Variants in NETO2 observed in about 807,000 individuals in gnomAD.
The protein encoded by NETO2 is neuropilin and tolloid-like protein 2.
In NETO2, 28 loss-of-function variants were observed where a neutral mutation model predicts 62.5. That is an observed-to-expected ratio of 0.45 (90% CI 0.33 to 0.61). NETO2 has a LOEUF of 0.61. Among genes scored for constraint, NETO2 ranks in the 20% least tolerant of loss-of-function variants. The pLI is 0.02. For synonymous variants in NETO2, 214 were observed against 219.1 expected, an observed-to-expected ratio of 0.98 and a Z score of 0.21; for missense variants, 548 against 643.2, an observed-to-expected ratio of 0.85 and a Z score of 1.60.
rs137887060 is a variant in NETO2, at chr16:47,130,670, A to C, written c.91+1299T>G. Among the ~76,000 whole-genome samples, 693 of 152,306 alleles carry C rather than the reference A, an allele frequency of 4.6e-3. 5 individuals are homozygous for C. Among genetic ancestry groups the C allele is most frequent in the Admixed American group, 8.9e-3 (136 of 15,298 alleles). On this transcript the variant is annotated intron_variant, in intron 2 of 8. Transcript: ENST00000562435. ...AAGCTTCCAAAAACAGAAGAGATGA[A>C]AAAATCAGCAGAACATTTAGAGCAG...
chr16:47,142,643 G>C (rs1964483379), intron 1 of NETO2, among the ~76,000 whole-genome samples: 1 of 152,196 alleles, frequency 6.6e-6, no homozygotes, highest in South Asian at 2.1e-4. Context: ...GGGGAAAAAG[G>C]GAAGTCCTTT....
In NETO2 at chr16:47,083,189, C is replaced by T. The variant is rs1963104836; in HGVS notation, c.*32G>A. 2 of 1,563,908 alleles carry T rather than the reference C, an allele frequency of 1.3e-6. No homozygotes were observed. ...GCCCTGGAGGCTGCGTACGTACACA[C>T]CCTAAGAATTCACATCACCATTAGC... On this transcript the variant is annotated 3_prime_UTR_variant, in exon 9 of 9. Transcript: ENST00000562435.
chr16:47,142,348 A>G (rs553504969), intron 1 of NETO2, among the ~76,000 whole-genome samples: 1 of 152,344 alleles, frequency 6.6e-6, no homozygotes, highest in East Asian at 1.9e-4. Context: ...GGGTAGTTAA[A>G]CGTTTCGAAT....
intron 2 of NETO2, among the ~76,000 whole-genome samples, chr16:47,130,380 G>A (rs1964240556): frequency 6.6e-6 from 1 of 151,850 alleles, no homozygotes; most frequent in South Asian, 2.1e-4. Flanking sequence ...TCAGTTTTTA[G>A]TGCCCCTCTT....
At chr16:47,100,170 A>G (rs547725466) in intron 7 of NETO2, among the ~76,000 whole-genome samples, 1 of 152,166 alleles carries the variant, frequency 6.6e-6, no homozygotes, top group Non-Finnish European at 1.5e-5. Context: ...TCAAAACCAC[A>G]CAACTACATG....
At chr16:47,083,871 A>C in intron 8 of NETO2, 70 bp from the exon 9 acceptor site, 1 of 1,160,742 alleles carries the variant, frequency 8.6e-7, no homozygotes, top group South Asian at 1.6e-5. Context: ...CAAATTAGTA[A>C]GGTATTTTTA....
chr16:47,087,696 G>A (rs1963224149), intron 7 of NETO2, among the ~76,000 whole-genome samples: 1 of 152,168 alleles, frequency 6.6e-6, no homozygotes, highest in African/African-American at 2.4e-5. Context: ...TATATACCAT[G>A]TAATTTCCTA....
At position 47,079,522 on chromosome 16, in the gene NETO2, GA is replaced by G. The variant is rs1305105197; in HGVS notation, c.*3698del. 1.3e-5 allele frequency: 2 copies of G among 151,812 alleles called. No individual in the cohort carries two copies. Among genetic ancestry groups the G allele is most frequent in the Admixed American group, 6.6e-5 (1 of 15,242 alleles). 9.4% of individuals were successfully genotyped at this position (151,812 alleles called of 1,614,324 possible). A position where few individuals can be genotyped will look rare whatever the true frequency, so the allele number is the denominator to read the frequency against. On this transcript the variant is annotated 3_prime_UTR_variant, in exon 9 of 9. Transcript: ENST00000562435. ...AGGCAGGAGAATAGCGTGAACCCGG[GA>G]GGCGGAGCTTGCAGTGAGCCGAGAT...
At position 47,122,768 on chromosome 16, in the gene NETO2, G is replaced by T. The variant is rs370539243; in HGVS notation, c.543C>A (p.Leu181=). The T allele has an allele frequency of 3.7e-6, 6 of 1,613,898 alleles. No individual in the cohort carries two copies. Among genetic ancestry groups the T allele is most frequent in the Non-Finnish European group, 5.1e-6 (6 of 1,180,014 alleles). ...AGCGCACTATTCCATCAGCTCCCGAGAGCTCGAACTGACAATCTGGAAGGA... is the reference window on the plus strand; with the variant it reads ...AGCGCACTATTCCATCAGCTCCCGATAGCTCGAACTGACAATCTGGAAGGA... ...LNPIPDCQFE[L]SGADGIVRSS... The change falls in exon 6 of 9, where the codon CTC becomes CTA. Residue 181 remains leucine, a synonymous_variant. Transcript: ENST00000562435.
intron 1 of NETO2, among the ~76,000 whole-genome samples, chr16:47,143,140 C>T (rs1964498421): frequency 6.6e-6 from 1 of 152,128 alleles, no homozygotes; most frequent in East Asian, 1.9e-4. Context: ...GACGTCACGG[C>T]CGCGGCTTTT....
intron 2 of NETO2, 89 bp from the exon 3 acceptor site, chr16:47,129,453 C>T (rs1309355940): frequency 7.7e-7 from 1 of 1,305,912 alleles, no homozygotes; most frequent in Non-Finnish European, 1.1e-6. Flanking sequence ...CGATTGCTCA[C>T]TCTATGCTAC....
At chr16:47,138,598 T>A (rs1264639622) in intron 1 of NETO2, among the ~76,000 whole-genome samples, 1 of 152,228 alleles carries the variant, frequency 6.6e-6, no homozygotes, top group East Asian at 1.9e-4. Context: ...GTGCGCTCAG[T>A]TAAATTCAGA....
At chr16:47,139,084 C>G (rs748318555) in intron 1 of NETO2, among the ~76,000 whole-genome samples, 27 of 152,272 alleles carry the variant, frequency 1.8e-4, no homozygotes, top group Non-Finnish European at 3.1e-4. Context: ...GGTTGTCTGT[C>G]TCTTCTCACT....
rs1482510829 is a variant in NETO2 at position 47,082,311 on chromosome 16, C to G, written c.*910G>C. 1 of 152,306 alleles carries G rather than the reference C, an allele frequency of 6.6e-6. No individual in the cohort carries two copies. Among genetic ancestry groups the G allele is most frequent in the Non-Finnish European group, 1.5e-5 (1 of 68,034 alleles). 9.4% of individuals were successfully genotyped at this position (152,306 alleles called of 1,614,324 possible). On this transcript the variant is annotated 3_prime_UTR_variant, in exon 9 of 9. Coordinates refer to ENST00000562435, the MANE Select transcript of NETO2 (RefSeq NM_018092.5). ...AACAGAATGGGAGCTATGTAACAAT[C>G]TAGCGAAGAGAAACATTGCAAATAA...
At chr16:47,090,598 C>A (rs554006675) in intron 7 of NETO2, among the ~76,000 whole-genome samples, 3 of 152,128 alleles carry the variant, frequency 2.0e-5, no homozygotes, top group South Asian at 2.1e-4. Context: ...TGTGTCCCCC[C>A]CAATTTCAAT....
At chr16:47,120,804 G>A (rs1964022121) in intron 6 of NETO2, among the ~76,000 whole-genome samples, 1 of 151,922 alleles carries the variant, frequency 6.6e-6, no homozygotes, top group Admixed American at 6.5e-5. Flanking sequence ...TTTTCTCCTT[G>A]TCTGTGGGGT....
chr16:47,128,292 G>C, intron 4 of NETO2, 33 bp downstream of exon 4: 1 of 1,596,688 alleles, frequency 6.3e-7, no homozygotes, highest in Non-Finnish European at 8.5e-7. Context: ...AGAGTGAGAT[G>C]CCCAACCACT....
intron 7 of NETO2, among the ~76,000 whole-genome samples, chr16:47,105,695 A>G (rs544559722): frequency 6.6e-6 from 1 of 152,388 alleles, no homozygotes; most frequent in African/African-American, 2.4e-5. Context: ...TGCAAAGAAG[A>G]TGTATGAATA....
chr16:47,113,566 G>A (rs558942897), intron 6 of NETO2, among the ~76,000 whole-genome samples: 1 of 150,576 alleles, frequency 6.6e-6, no homozygotes, highest in Admixed American at 6.6e-5. Context: ...GTTACTATAT[G>A]GATGTACCAC....
Sources: gnomAD v4.1 joint callset for allele counts (sites outside exome capture counted in the v4.1 genomes callset) on GRCh38, gnomAD v4.1.1 for gene constraint, MANE v1.5 for transcripts, NCBI Gene and HGNC (gene_info 2026-07-23, HGNC 2026-07-21) for gene names.